PBX1: variants seen among roughly 807,000 people sequenced by gnomAD.
PBX1 encodes PBX homeobox 1.
In PBX1, 6 loss-of-function variants were observed where a neutral mutation model predicts 53.4. That is an observed-to-expected ratio of 0.11 (90% confidence interval 0.06 to 0.22). PBX1 has a LOEUF of 0.22. Ranked by LOEUF, PBX1 falls within the 10% of genes least tolerant of loss-of-function variation. PBX1 has a pLI of 1.00. For synonymous variants in PBX1, 204 were observed against 212.3 expected, an observed-to-expected ratio of 0.96 and a Z score of 0.34; for missense variants, 251 against 551.4, an observed-to-expected ratio of 0.46 and a Z score of 5.46.
At chr1:164,773,642 C>T (rs1386173247) in intron 2 of PBX1, among the ~76,000 whole-genome samples, 2 of 152,142 alleles carry the variant, frequency 1.3e-5, no homozygotes, top group Non-Finnish European at 1.5e-5. Context: ...GTAGGACGAG[C>T]GGCCTGTGGC....
intron 2 of PBX1, among the ~76,000 whole-genome samples, chr1:164,633,470 T>TTA (rs1435768946): frequency 6.6e-6 from 1 of 152,318 alleles, no homozygotes; most frequent in East Asian, 1.9e-4. Flanking sequence ...TTTAGACTAT[T>TTA]AATAGTTGGG....
intron 2 of PBX1, chr1:164,884,468 C>A: frequency 2.3e-6 from 1 of 440,286 alleles, no homozygotes; most frequent in Non-Finnish European, 4.5e-6. Flanking sequence ...TCTTTGATAG[C>A]AGTCATGATG....
intron 2 of PBX1, among the ~76,000 whole-genome samples, chr1:164,571,869 CATTGTATATATATATATATATATA>C (rs1479886165): frequency 2.9e-4 from 14 of 48,876 alleles, no homozygotes; most frequent in Admixed American, 1.2e-3. Flanking sequence ...AAAATCTGTA[CATTGTATATATATATATATATATA>C]TATATATATA....
chr1:164,864,727 CT>C (rs1672177815), intron 2 of PBX1, among the ~76,000 whole-genome samples: 1 of 152,166 alleles, frequency 6.6e-6, no homozygotes, highest in East Asian at 1.9e-4. Context: ...CCAAGTTCCC[CT>C]TGGCAGTACC....
intron 2 of PBX1, among the ~76,000 whole-genome samples, chr1:164,676,917 C>G (rs2101986430): frequency 6.6e-6 from 1 of 152,232 alleles, no homozygotes; most frequent in South Asian, 2.1e-4. Flanking sequence ...TCAGGCTCAT[C>G]TCAACACTGT....
intron 6 of PBX1, 135 bp downstream of exon 6, chr1:164,812,284 G>A: frequency 1.2e-6 from 1 of 849,866 alleles, no homozygotes; most frequent in Non-Finnish European, 1.7e-6. Flanking sequence ...TGTATTTTTG[G>A]ATGTTAATGT....
intron 2 of PBX1, among the ~76,000 whole-genome samples, chr1:164,602,778 G>C (rs1656268713): frequency 6.6e-6 from 1 of 152,188 alleles, no homozygotes; most frequent in East Asian, 1.9e-4. Context: ...CCTTTGAGGG[G>C]AGCTCTCTAG....
intron 2 of PBX1, among the ~76,000 whole-genome samples, chr1:164,751,631 A>G (rs1333933172): frequency 1.5e-5 from 2 of 132,210 alleles, no homozygotes; most frequent in Non-Finnish European, 3.1e-5. Flanking sequence ...CGCCCAGCCT[A>G]GAGTGCAATA....
intron 2 of PBX1, among the ~76,000 whole-genome samples, chr1:164,871,084 G>A (rs1672372732): frequency 6.6e-6 from 1 of 152,182 alleles, no homozygotes; most frequent in South Asian, 2.1e-4. Flanking sequence ...AAAGACAGAG[G>A]GGAAGGATCA....
chr1:164,826,541 A>G (rs1046656566), intron 8 of PBX1, among the ~76,000 whole-genome samples: 2 of 151,960 alleles, frequency 1.3e-5, no homozygotes, highest in African/African-American at 4.8e-5. Context: ...AGTAGCCGGG[A>G]TTACAGGTTT....
At chr1:164,787,574 C>T (rs945409911) in intron 2 of PBX1, 4 of 152,210 alleles carry the variant, frequency 2.6e-5, no homozygotes, top group Non-Finnish European at 4.4e-5. Context: ...ACGGCCCTCC[C>T]GCCAAGGATG....
In PBX1 at chr1:164,784,046, A is replaced by T. The variant is rs535709718; in HGVS notation, c.266-8448A>T. Among the ~76,000 whole-genome samples the T allele has an allele frequency of 7.2e-5, 11 of 152,288 alleles. No homozygotes were observed. The East Asian group carries it at 2.1e-3, about 29-fold the overall frequency. ...TGGCTCCACATTTTTCATGCTTTTT[A>T]TGTGTAACTAAGAAGGAAACTGTTC... On this transcript the variant is annotated intron_variant, in intron 2 of 8. Transcript: ENST00000420696.
chr1:164,776,963 GA>G (rs1667693880), intron 2 of PBX1, among the ~76,000 whole-genome samples: 2 of 109,884 alleles, frequency 1.8e-5, no homozygotes, highest in African/African-American at 7.5e-5. Context: ...GAGAGAGAGA[GA>G]GAGAGAGAGA....
rs770128250 is a variant in PBX1, at chr1:164,751,575, G to GC, written c.266-40913dup. ...TATGTTCAAATGTAATGGGTTTATT[G>GC]CCCCCCTTTTTTTTTTTTTTTTTTG... On this transcript the variant is annotated intron_variant, in intron 2 of 8. Coordinates refer to ENST00000420696, the MANE Select transcript of PBX1 (RefSeq NM_002585.4). Among the ~76,000 whole-genome samples the GC allele has an allele frequency of 1.2e-3, 156 of 135,238 alleles. 1 individual carries two copies. Among genetic ancestry groups the GC allele is most frequent in the South Asian group, 2.5e-3 (10 of 4,012 alleles). The allele number at this position is 135,238 out of a possible 152,430, so 88.7% of individuals were successfully genotyped here.
At chr1:164,788,949 T>C (rs1201229560) in intron 2 of PBX1, among the ~76,000 whole-genome samples, 2 of 152,176 alleles carry the variant, frequency 1.3e-5, no homozygotes, top group South Asian at 2.1e-4. Context: ...AATTTCTTTT[T>C]AGGGAGTATT....
intron 8 of PBX1, among the ~76,000 whole-genome samples, chr1:164,824,640 A>G (rs1384854063): frequency 6.6e-6 from 1 of 151,860 alleles, no homozygotes; most frequent in African/African-American, 2.4e-5. Context: ...TTTGAGATGG[A>G]TATAGTGTTA....
intron 2 of PBX1, among the ~76,000 whole-genome samples, chr1:164,589,692 A>C (rs1025934582): frequency 6.6e-6 from 1 of 152,094 alleles, no homozygotes; most frequent in Admixed American, 6.5e-5. Context: ...AGGGTGGAGG[A>C]GATATTATCC....
chr1:164,694,660 G>C (rs1662702471), intron 2 of PBX1, among the ~76,000 whole-genome samples: 1 of 152,108 alleles, frequency 6.6e-6, no homozygotes, highest in East Asian at 1.9e-4. Context: ...TCTTTTATCT[G>C]CCCAATCTAG....
At chr1:164,860,494 C>T (rs1398888739) in intron 2 of PBX1, among the ~76,000 whole-genome samples, 1 of 152,138 alleles carries the variant, frequency 6.6e-6, no homozygotes, top group Non-Finnish European at 1.5e-5. Context: ...TATAGCACCC[C>T]TAGAAATTCC....
Sources: gnomAD v4.1 joint callset for allele counts (sites outside exome capture counted in the v4.1 genomes callset) on GRCh38, gnomAD v4.1.1 for gene constraint, MANE v1.5 for transcripts, NCBI Gene and HGNC (gene_info 2026-07-23, HGNC 2026-07-21) for gene names.